Variants in C6orf89 observed in about 807,000 individuals in gnomAD.
C6orf89 encodes the protein chromosome 6 open reading frame 89, also known as bombesin receptor-activated protein C6orf89.
A neutral mutation model predicts 40.7 loss-of-function variants in C6orf89; 29 were observed. The ratio of observed to expected loss-of-function variants is 0.71; its 90% CI spans 0.53 to 0.97. C6orf89 has a LOEUF of 0.97. C6orf89 is among the 50% of genes least tolerant of loss of function. The pLI is 0.00. For synonymous variants in C6orf89, 165 were observed against 152.2 expected (o/e 1.08, Z -0.62); for missense variants, 392 against 429.1 (o/e 0.91, Z 0.76).
chr6:36,919,994 A>T (rs904597448), intron 8 of C6orf89, among the ~76,000 whole-genome samples: 1 of 152,196 alleles, frequency 6.6e-6, no homozygotes, highest in African/African-American at 2.4e-5. Context: ...CCCTCGTTTT[A>T]TAGATGAAAA....
chr6:36,914,684 C>T lies in C6orf89; in HGVS notation c.686C>T (p.Pro229Leu), dbSNP rs1265918630. The T allele has an allele frequency of 6.2e-7, 1 of 1,614,006 alleles. No individual in the cohort carries two copies. The highest frequency in any genetic ancestry group is 1.3e-5 in the African/African-American group (1 of 74,916). ...TTTCCTGAGCGGTGGTTCCCATTTC[C>T]TTATCCATGGTGAGTGTGAAAAGGG... ...RCFPERWFPF[P>L]YPWRRPLNRS... is the part of the protein sequence containing the mutation. The change falls in exon 6 of 9, where the codon CCT becomes CTT. Residue 229 changes from proline (P) to leucine (L), a missense_variant. Transcript: ENST00000480824.
chr6:36,914,399 A>G lies in C6orf89; in HGVS notation c.519A>G (p.Pro173=). The change falls in exon 5 of 9, where the codon CCA becomes CCG. Residue 173 remains proline (P), a synonymous_variant. Coordinates refer to ENST00000480824, the MANE Select transcript of C6orf89 (RefSeq NM_001286635.2). The stretch of plus-strand genomic sequence containing the variant: ...AGGTGATGCTCCTGGAAGACGCCCC[A>G]AGGAAATTTGAGAGGCTCCATCCAC... ...HLKVMLLEDA[P]RKFERLHPLV... 6.2e-7 allele frequency: 1 copy of G among 1,614,226 alleles called. No individual in the cohort carries two copies.
At chr6:36,916,276 A>T (rs1167982024) in intron 6 of C6orf89, among the ~76,000 whole-genome samples, 169 bp from the exon 7 acceptor site, 1 of 152,194 alleles carries the variant, frequency 6.6e-6, no homozygotes, top group African/African-American at 2.4e-5. Context: ...ATTATAGTTC[A>T]TTGACTCTGT....
chr6:36,926,015 T>A lies in C6orf89; in HGVS notation c.*2574T>A, dbSNP rs1414088089. ...GTGACATGGCGATGACCTCTGTACA[T>A]GAGTTAGGTTCACTTTCATGTGGCC... On this transcript the variant is annotated 3_prime_UTR_variant, in exon 9 of 9. Transcript: ENST00000480824. 1 of 152,240 alleles carries A rather than the reference T, an allele frequency of 6.6e-6. No homozygotes were observed. The highest frequency in any genetic ancestry group is 2.4e-5 in the African/African-American group (1 of 41,472). 9.4% of individuals were successfully genotyped at this position (152,240 alleles called of 1,614,324 possible).
intron 3 of C6orf89, among the ~76,000 whole-genome samples, chr6:36,900,209 G>GT (rs1361126788): frequency 4.0e-4 from 56 of 138,722 alleles, no homozygotes; most frequent in African/African-American, 5.1e-4. Context: ...TTTTTTTGTT[G>GT]TTTTTTTTTT....
At chr6:36,918,333 A>G (rs1339768315) in intron 7 of C6orf89, among the ~76,000 whole-genome samples, 11 of 152,230 alleles carry the variant, frequency 7.2e-5, no homozygotes, top group Admixed American at 7.2e-4. Flanking sequence ...GAAGGGATAC[A>G]GCCACTTGTT....
intron 1 of C6orf89, among the ~76,000 whole-genome samples, chr6:36,893,381 G>T (rs1190974236): frequency 6.6e-6 from 1 of 152,010 alleles, no homozygotes; most frequent in African/African-American, 2.4e-5. Flanking sequence ...AGTTTAGGAC[G>T]ACTGATATAA....
Position 36,924,977 on chromosome 6 carries a change from A to T in C6orf89, c.*1536A>T. On this transcript the variant is annotated 3_prime_UTR_variant, in exon 9 of 9. Coordinates refer to ENST00000480824, the MANE Select transcript of C6orf89 (RefSeq NM_001286635.2). ...GTTTGTCTATGGGCTTGCAAAGGAC[A>T]AGCAGAGTTCACAGAGCTCAGGATA... 6.6e-6 allele frequency: 1 copy of T among 152,196 alleles called. No homozygotes were observed. Among genetic ancestry groups the T allele is most frequent in the East Asian group, 1.9e-4 (1 of 5,194 alleles). 9.4% of individuals were successfully genotyped at this position (152,196 alleles called of 1,614,324 possible). A position where few individuals can be genotyped will look rare whatever the true frequency, so the allele number is the denominator to read the frequency against.
At chr6:36,878,597 G>A (rs186518366) in intron 1 of C6orf89, among the ~76,000 whole-genome samples, 2 of 152,286 alleles carry the variant, frequency 1.3e-5, no homozygotes, top group Admixed American at 1.3e-4. Context: ...ACTAAATATG[G>A]CCTGAGAAGG....
chr6:36,894,461 G>A, intron 1 of C6orf89, 43 bp from the exon 2 acceptor site: 1 of 906,272 alleles, frequency 1.1e-6, no homozygotes, highest in Non-Finnish European at 1.3e-6. Flanking sequence ...AAACCAAGAT[G>A]TGAAAAATGT....
chr6:36,879,322 G>A (rs925189055), intron 2 of C6orf89, among the ~76,000 whole-genome samples: 2 of 152,166 alleles, frequency 1.3e-5, no homozygotes. Flanking sequence ...AGTGGCTAAT[G>A]TCTGTGTTTT....
chr6:36,897,865 A>T (rs945587031), intron 2 of C6orf89, among the ~76,000 whole-genome samples: 2 of 140,970 alleles, frequency 1.4e-5, no homozygotes, highest in Non-Finnish European at 3.1e-5. Flanking sequence ...GAGAGAATAC[A>T]CGTACTATGT....
chr6:36,884,910 C>T (rs2150673230), upstream of C6orf89, among the ~76,000 whole-genome samples: 1 of 152,318 alleles, frequency 6.6e-6, no homozygotes, highest in Non-Finnish European at 1.5e-5. The surrounding 1 kb of genome is among the most constrained non-coding windows in gnomAD (Gnocchi z 4.0). Flanking sequence ...ATCCTCTACT[C>T]AGCCCTTATT....
intron 2 of C6orf89, among the ~76,000 whole-genome samples, chr6:36,897,315 A>G (rs1199760249): frequency 6.6e-6 from 1 of 152,112 alleles, no homozygotes; most frequent in Admixed American, 6.5e-5. Context: ...TGCATATTCA[A>G]GTTTCACAGT....
chr6:36,877,927 A>G (rs114932314), intron 1 of C6orf89, among the ~76,000 whole-genome samples: 1,742 of 152,376 alleles, frequency 0.011, 31 homozygotes, highest in African/African-American at 0.036. Context: ...TGGACAGAAT[A>G]TAACACTGGA....
chr6:36,900,230 C>T (rs1321237900), intron 3 of C6orf89, among the ~76,000 whole-genome samples: 25 of 146,468 alleles, frequency 1.7e-4, no homozygotes, highest in African/African-American at 6.1e-4. Flanking sequence ...GAGATGGAGT[C>T]ACACTCTGTT....
At position 36,922,003 on chromosome 6, in the gene C6orf89, G is replaced by A. The variant is rs145678393; in HGVS notation, c.950-1344G>A. Among the ~76,000 whole-genome samples, 365 of 152,302 alleles carry A rather than the reference G, an allele frequency of 2.4e-3. 1 individual carries two copies. Among genetic ancestry groups the A allele is most frequent in the African/African-American group, 8.5e-3 (353 of 41,564 alleles). On this transcript the variant is annotated intron_variant, in intron 8 of 8. Transcript: ENST00000480824. ...TGACTGCACCGCTGCACTCCAGCCT[G>A]GGCAATGAAGCGAGACCCTGTCTCT... is the stretch of plus-strand genomic sequence containing the variant.
chr6:36,899,334 C>T (rs879158913), intron 2 of C6orf89, 92 bp from the exon 3 acceptor site: 2 of 1,116,432 alleles, frequency 1.8e-6, no homozygotes, highest in Non-Finnish European at 2.7e-6. Context: ...CAAAACTGGT[C>T]CTTCTCTACA....
At chr6:36,877,352 GAC>G in intron 1 of C6orf89, among the ~76,000 whole-genome samples, 1 of 151,936 alleles carries the variant, frequency 6.6e-6, no homozygotes. Context: ...TTTTTTTTGA[GAC>G]ACAATCTCAC....
Sources: gnomAD v4.1 joint callset for allele counts (sites outside exome capture counted in the v4.1 genomes callset) on GRCh38, gnomAD v4.1.1 for gene constraint, Gnocchi (gnomAD v3.1) non-coding constraint, MANE v1.5 for transcripts, NCBI Gene and HGNC (gene_info 2026-07-23, HGNC 2026-07-21) for gene names.